GPR39: variants seen among roughly 807,000 people sequenced by gnomAD.
The protein encoded by GPR39 is G protein-coupled receptor 39.
A neutral mutation model predicts 18.4 loss-of-function variants in GPR39; 23 were observed. That is an observed-to-expected ratio of 1.25 (90% CI 0.90 to 1.77). The LOEUF (loss-of-function observed/expected upper bound fraction) is 1.77, where lower values mean the gene tolerates loss of function less well. GPR39 is among the 40% of genes most tolerant of loss of function. The pLI, the probability that GPR39 is intolerant of heterozygous loss-of-function variation, is 0.00. For missense variants in GPR39, 647 were observed against 602.4 expected, an observed-to-expected ratio of 1.07 and a Z score of -0.78; for synonymous variants, 280 against 257.9, an observed-to-expected ratio of 1.09 and a Z score of -0.82.
Position 132,646,283 on chromosome 2 carries a change from GTAA to G in GPR39, c.*678_*680del. The G allele has an allele frequency of 6.7e-7, 1 of 1,487,278 alleles. No individual in the cohort carries two copies. The highest frequency in any genetic ancestry group is 1.4e-5 in the South Asian group (1 of 70,894). The allele number at this position is 1,487,278 out of a possible 1,614,324, so 92.1% of individuals were successfully genotyped here. ...ACAGGACTTGCGGTACATGATCCCT[GTAA>G]CACAGACCCAAAGGAGCTGAGTTAA... On this transcript the variant is annotated 3_prime_UTR_variant, in exon 2 of 2. Coordinates refer to ENST00000329321, the MANE Select transcript of GPR39 (RefSeq NM_001508.3).
intron 1 of GPR39, among the ~76,000 whole-genome samples, chr2:132,599,972 G>T (rs369449330): frequency 4.6e-5 from 7 of 152,258 alleles, no homozygotes; most frequent in African/African-American, 1.7e-4. Flanking sequence ...GTGTCTACCC[G>T]CAAATGCTGT....
At chr2:132,535,694 G>GTTTTTTTTTT (rs1252242856) in intron 1 of GPR39, among the ~76,000 whole-genome samples, 1 of 60,976 alleles carries the variant, frequency 1.6e-5, no homozygotes, top group Non-Finnish European at 3.0e-5. Flanking sequence ...CTGGTCCTGG[G>GTTTTTTTTTT]CTTTTTTTTT....
chr2:132,632,216 A>G (rs964122555), intron 1 of GPR39, among the ~76,000 whole-genome samples: 26 of 152,138 alleles, frequency 1.7e-4, no homozygotes, highest in African/African-American at 6.3e-4. Flanking sequence ...AGTAAATCCA[A>G]TCAAAAGCAG....
At chr2:132,552,522 C>A (rs1314378922) in intron 1 of GPR39, among the ~76,000 whole-genome samples, 1 of 152,112 alleles carries the variant, frequency 6.6e-6, no homozygotes, top group South Asian at 2.1e-4. Context: ...CCAATTAAAC[C>A]TGTTTTCTTT....
intron 1 of GPR39, among the ~76,000 whole-genome samples, chr2:132,545,653 G>GGTGTGTGTGTGTGTGTGTGTGTGT (rs5834318): frequency 6.7e-5 from 9 of 134,682 alleles, no homozygotes; most frequent in African/African-American, 2.3e-4. Flanking sequence ...ATGTGTGATG[G>GGTGTGTGTGTGTGTGTGTGTGTGT]GCGTGTGTGT....
intron 1 of GPR39, among the ~76,000 whole-genome samples, chr2:132,480,700 A>G (rs1383202579): frequency 6.6e-6 from 1 of 152,198 alleles, no homozygotes; most frequent in African/African-American, 2.4e-5. Context: ...TTTCCCAGAA[A>G]TAGTGACTTA....
At chr2:132,624,142 C>G (rs1041269937) in intron 1 of GPR39, among the ~76,000 whole-genome samples, 1 of 152,188 alleles carries the variant, frequency 6.6e-6, no homozygotes, top group Non-Finnish European at 1.5e-5. Context: ...AGTCTAAGAT[C>G]AAGGTGTCGG....
chr2:132,581,345 T>G (rs1248145642), intron 1 of GPR39, among the ~76,000 whole-genome samples: 1 of 151,930 alleles, frequency 6.6e-6, no homozygotes, highest in East Asian at 1.9e-4. Context: ...ACTTTTTTTT[T>G]TTTTTTGGAA....
intron 1 of GPR39, among the ~76,000 whole-genome samples, chr2:132,482,577 C>G (rs1681255673): frequency 6.6e-6 from 1 of 152,078 alleles, no homozygotes; most frequent in Admixed American, 6.6e-5. Context: ...GAAACAAGCT[C>G]TAGGTTGGGA....
chr2:132,545,207 T>A (rs1390965308), intron 1 of GPR39, among the ~76,000 whole-genome samples: 1 of 152,026 alleles, frequency 6.6e-6, no homozygotes, highest in Non-Finnish European at 1.5e-5. Flanking sequence ...TCTCCAGGAG[T>A]GATATTCTGT....
intron 1 of GPR39, among the ~76,000 whole-genome samples, chr2:132,440,418 C>T (rs1408953707): frequency 6.6e-6 from 1 of 152,156 alleles, no homozygotes; most frequent in Non-Finnish European, 1.5e-5. Flanking sequence ...ATCCCAGTTC[C>T]CTTTTTGCTC....
chr2:132,632,764 T>C (rs1344020920), intron 1 of GPR39, among the ~76,000 whole-genome samples: 1 of 152,218 alleles, frequency 6.6e-6, no homozygotes, highest in Non-Finnish European at 1.5e-5. Context: ...GAAGAGTGTC[T>C]GTCATACATG....
intron 1 of GPR39, among the ~76,000 whole-genome samples, chr2:132,564,500 G>C (rs1306181751): frequency 1.3e-5 from 2 of 152,050 alleles, no homozygotes; most frequent in Non-Finnish European, 2.9e-5. Flanking sequence ...TGTCCAACCT[G>C]AGTTGGCGCA....
intron 1 of GPR39, among the ~76,000 whole-genome samples, chr2:132,615,693 T>G (rs1162002552): frequency 6.6e-6 from 1 of 152,228 alleles, no homozygotes. Flanking sequence ...ATTAGTTGCT[T>G]GCTTACTTCT....
intron 1 of GPR39, among the ~76,000 whole-genome samples, chr2:132,626,087 G>A (rs190597047): frequency 2.7e-4 from 40 of 148,144 alleles, no homozygotes; most frequent in Non-Finnish European, 4.5e-4. Flanking sequence ...GCGACAGAGC[G>A]AGACTCCATC....
At chr2:132,456,869 C>T (rs1382585547) in intron 1 of GPR39, among the ~76,000 whole-genome samples, 3 of 152,188 alleles carry the variant, frequency 2.0e-5, no homozygotes, top group Admixed American at 6.5e-5. Context: ...GATGGGCTTC[C>T]CTTTGTGGAT....
chr2:132,637,930 G>T (rs139527285), intron 1 of GPR39, among the ~76,000 whole-genome samples: 1 of 152,304 alleles, frequency 6.6e-6, no homozygotes, highest in Non-Finnish European at 1.5e-5. Context: ...GAAGGGAGAG[G>T]TGTGGGCTGG....
At chr2:132,631,566 G>A (rs956374277) in intron 1 of GPR39, among the ~76,000 whole-genome samples, 2 of 152,176 alleles carry the variant, frequency 1.3e-5, no homozygotes, top group African/African-American at 2.4e-5. Context: ...CCTGGCTCCT[G>A]TGTGCACCTC....
chr2:132,426,795 G>T (rs1002562207), intron 1 of GPR39, among the ~76,000 whole-genome samples: 1 of 152,178 alleles, frequency 6.6e-6, no homozygotes, highest in African/African-American at 2.4e-5. Flanking sequence ...TTGGAGAGCA[G>T]TGGTGTTACT....
Sources: gnomAD v4.1 joint callset for allele counts (sites outside exome capture counted in the v4.1 genomes callset) on GRCh38, gnomAD v4.1.1 for gene constraint, MANE v1.5 for transcripts, NCBI Gene and HGNC (gene_info 2026-07-23, HGNC 2026-07-21) for gene names.